The following DLGAP2 variants were observed in gnomAD, a reference collection of about 807,000 sequenced individuals.
DLGAP2 encodes the protein disks large-associated protein 2.
DLGAP2 carries 26 observed loss-of-function variants against 100.3 expected under a neutral mutation model. The ratio of observed to expected loss-of-function variants is 0.26; its 90% CI spans 0.19 to 0.36. The LOEUF is 0.36. DLGAP2 is among the 10% of genes least tolerant of loss of function. The probability of loss-of-function intolerance (pLI) is 1.00; values close to 1 mark genes in which losing one functional copy is unlikely to be tolerated. For missense variants in DLGAP2, 1,858 were observed against 1,453.2 expected (o/e 1.28, Z -4.53); for synonymous variants, 886 against 630.1 (o/e 1.41, Z -6.08).
rs527703588 is a variant in DLGAP2, at chr8:1,436,927, A to G, written c.107-64439A>G. On this transcript the variant is annotated intron_variant, in intron 3 of 14. Transcript: ENST00000637795. ...TCTTACCCCTGTGTTACAGTTTTCT[A>G]CAGTCTTCAGTGCAGTCACACGCTG... Among the ~76,000 whole-genome samples the G allele has an allele frequency of 2.6e-4, 39 of 152,364 alleles. No homozygotes were observed. The South Asian group carries it at 7.9e-3, about 31-fold the overall frequency.
At chr8:1,322,775 C>T (rs919831747) in intron 3 of DLGAP2, among the ~76,000 whole-genome samples, 1 of 152,228 alleles carries the variant, frequency 6.6e-6, no homozygotes, top group African/African-American at 2.4e-5. Flanking sequence ...CGGCTCCTCC[C>T]CCCTGCATCA....
chr8:1,625,070 T>A (rs964052740), intron 6 of DLGAP2, among the ~76,000 whole-genome samples: 9 of 152,218 alleles, frequency 5.9e-5, no homozygotes, highest in African/African-American at 2.2e-4. Context: ...TTTTAAAGAC[T>A]GAAGTAAATC....
chr8:1,687,189 T>G (rs762020598), intron 12 of DLGAP2, among the ~76,000 whole-genome samples: 2 of 152,190 alleles, frequency 1.3e-5, no homozygotes, highest in Non-Finnish European at 2.9e-5. Flanking sequence ...CTCTGCAAAT[T>G]TTATAAAAAT....
intron 2 of DLGAP2, among the ~76,000 whole-genome samples, chr8:963,721 G>T (rs1184239457): frequency 1.3e-5 from 2 of 152,138 alleles, no homozygotes; most frequent in African/African-American, 4.8e-5. Flanking sequence ...GGTAACCAAA[G>T]ATTTCTCATT....
intron 3 of DLGAP2, among the ~76,000 whole-genome samples, chr8:1,420,965 T>G (rs1039296400): frequency 4.6e-5 from 7 of 152,334 alleles, no homozygotes; most frequent in African/African-American, 1.4e-4. Context: ...TACTGAATGT[T>G]GCTTCCCAAA....
At chr8:1,265,314 T>G (rs1046031451) in intron 3 of DLGAP2, among the ~76,000 whole-genome samples, 1 of 152,158 alleles carries the variant, frequency 6.6e-6, no homozygotes, top group Non-Finnish European at 1.5e-5. Flanking sequence ...TCATTTAAAT[T>G]GACCACTCTG....
rs116051001 is a variant in DLGAP2, at chr8:1,440,800, T to C, written c.107-60566T>C. ...AGATGAGGCTGGGCACTGCCCAGCT[T>C]ATGAGGACAAATGGCTCTTTTTATA... On this transcript the variant is annotated intron_variant, in intron 3 of 14. Transcript: ENST00000637795. Among the ~76,000 whole-genome samples, 365 of 152,280 alleles carry C rather than the reference T, an allele frequency of 2.4e-3. 3 individuals carry two copies. The highest frequency in any genetic ancestry group is 8.6e-3 in the African/African-American group (359 of 41,564).
chr8:1,699,897 C>T (rs1312106196), intron 14 of DLGAP2, among the ~76,000 whole-genome samples: 3 of 152,196 alleles, frequency 2.0e-5, no homozygotes, highest in African/African-American at 7.2e-5. Context: ...TCAGGGGACA[C>T]CAAAAGAGGA....
chr8:1,163,337 C>T (rs915116752), intron 2 of DLGAP2, among the ~76,000 whole-genome samples: 2 of 152,230 alleles, frequency 1.3e-5, no homozygotes, highest in South Asian at 2.1e-4. Context: ...TGCCGGCCTT[C>T]CCGGGGTGTC....
intron 2 of DLGAP2, among the ~76,000 whole-genome samples, chr8:1,074,884 C>A (rs1803555673): frequency 6.6e-6 from 1 of 152,212 alleles, no homozygotes; most frequent in African/African-American, 2.4e-5. Flanking sequence ...CAGCAGGGTC[C>A]TGCATGGGGT....
chr8:883,732 C>T (rs112104233), intron 1 of DLGAP2, among the ~76,000 whole-genome samples: 1 of 152,124 alleles, frequency 6.6e-6, no homozygotes, highest in African/African-American at 2.4e-5. Flanking sequence ...TACGTAGGAG[C>T]GCGGGTGCTG....
rs753212821 is a variant in DLGAP2, at chr8:1,549,453, C to A, written c.1000C>A (p.Pro334Thr). The A allele has an allele frequency of 6.2e-7, 1 of 1,613,462 alleles. No homozygotes were observed. The highest frequency in any genetic ancestry group is 1.7e-5 in the Admixed American group (1 of 60,036). ...CTGCTACCCCGACGCGCTGCAGAGCCCCTTCGGGGACCTGTCCCTCAAGAC... is the reference window on the plus strand; with the variant it reads ...CTGCTACCCCGACGCGCTGCAGAGCACCTTCGGGGACCTGTCCCTCAAGAC... ...AHCYPDALQSPFGDLSLKTSK... is the reference protein window; with the variant it reads ...AHCYPDALQSTFGDLSLKTSK... The change falls in exon 5 of 15, where the codon CCC becomes ACC. Residue 334 changes from proline (P) to threonine (T), a missense_variant. Coordinates refer to ENST00000637795, the MANE Select transcript of DLGAP2 (RefSeq NM_001346810.2).
intron 1 of DLGAP2, chr8:822,224 G>A: frequency 2.5e-6 from 1 of 399,358 alleles, no homozygotes; most frequent in Non-Finnish European, 4.4e-6. Context: ...TGCTTCCTGT[G>A]TGTGTCCGTC....
intron 3 of DLGAP2, among the ~76,000 whole-genome samples, chr8:1,349,596 C>T (rs2003629): frequency 9.2e-6 from 1 of 109,272 alleles, no homozygotes; most frequent in Non-Finnish European, 2.0e-5. Context: ...CTATCATGAG[C>T]CTCCTGCCCA....
intron 3 of DLGAP2, among the ~76,000 whole-genome samples, chr8:1,482,640 C>T (rs1264444979): frequency 6.6e-6 from 1 of 152,234 alleles, no homozygotes; most frequent in Non-Finnish European, 1.5e-5. Context: ...CTCCCGCCCC[C>T]TCCCCACGGT....
intron 2 of DLGAP2, among the ~76,000 whole-genome samples, chr8:1,148,971 T>C (rs955044248): frequency 6.6e-6 from 1 of 152,246 alleles, no homozygotes; most frequent in East Asian, 1.9e-4. Flanking sequence ...TTAAATCTTA[T>C]ATTTTCGGAT....
rs1563228401 is a variant in DLGAP2 at position 1,170,589 on chromosome 8, GCT to G, written c.74-88261_74-88260del. Among the ~76,000 whole-genome samples, 6 of 130,966 alleles carry G rather than the reference GCT, an allele frequency of 4.6e-5. No homozygotes were observed. In the East Asian group the frequency reaches 6.7e-4, roughly 15 times the overall value. 85.9% of individuals were successfully genotyped at this position (130,966 alleles called of 152,430 possible). A position where few individuals can be genotyped will look rare whatever the true frequency, so the allele number is the denominator to read the frequency against. On this transcript the variant is annotated intron_variant, in intron 2 of 14. Coordinates refer to ENST00000637795, the MANE Select transcript of DLGAP2 (RefSeq NM_001346810.2). The stretch of plus-strand genomic sequence containing the variant: ...TGTTATTGGTCTATTCAGAGATTCA[GCT>G]TCTTCCTGGTTTAGTCTTGGGAGAG...
intron 5 of DLGAP2, among the ~76,000 whole-genome samples, chr8:1,556,571 G>C (rs577232135): frequency 1.3e-5 from 2 of 152,342 alleles, no homozygotes; most frequent in South Asian, 4.1e-4. Context: ...GTACTGCTCT[G>C]TGAATGATCC....
intron 1 of DLGAP2, among the ~76,000 whole-genome samples, chr8:821,278 G>A (rs1475806905): frequency 6.6e-6 from 1 of 152,176 alleles, no homozygotes; most frequent in Non-Finnish European, 1.5e-5. Flanking sequence ...CTTCAGGAAA[G>A]TCAATATAAC....
Sources: gnomAD v4.1 joint callset for allele counts (sites outside exome capture counted in the v4.1 genomes callset) on GRCh38, gnomAD v4.1.1 for gene constraint, MANE v1.5 for transcripts, NCBI Gene and HGNC (gene_info 2026-07-23, HGNC 2026-07-21) for gene names.